TMEM117: variants seen among roughly 807,000 people sequenced by gnomAD.
TMEM117 encodes the protein transmembrane protein 117.
Under a neutral mutation model 52.4 loss-of-function variants are expected in TMEM117, and 27 were observed. The observed-to-expected ratio is 0.51, with a 90% CI of 0.38 to 0.71. TMEM117 has a LOEUF of 0.71. TMEM117 is among the 30% of genes least tolerant of loss of function. The pLI is 0.00. For synonymous variants in TMEM117, 215 were observed against 206.3 expected (o/e 1.04, Z -0.36); for missense variants, 556 against 630.5 (o/e 0.88, Z 1.26).
At chr12:44,140,163 C>T (rs1198797514) in intron 3 of TMEM117, among the ~76,000 whole-genome samples, 6 of 152,114 alleles carry the variant, frequency 3.9e-5, no homozygotes, top group African/African-American at 1.4e-4. Flanking sequence ...GGCAAGGATA[C>T]TTTATTTTGT....
chr12:44,288,271 T>C (rs1363058786), intron 5 of TMEM117, among the ~76,000 whole-genome samples: 2 of 152,192 alleles, frequency 1.3e-5, no homozygotes, highest in Non-Finnish European at 2.9e-5. Context: ...TCCATTCTCT[T>C]GAGATTTTAT....
chr12:44,038,722 A>T (rs1946751306), intron 3 of TMEM117, among the ~76,000 whole-genome samples: 1 of 152,186 alleles, frequency 6.6e-6, no homozygotes, highest in Non-Finnish European at 1.5e-5. Context: ...TGTAGAAAAC[A>T]TATTTATATC....
chr12:44,254,986 A>C (rs901844957), intron 5 of TMEM117, among the ~76,000 whole-genome samples: 1 of 152,088 alleles, frequency 6.6e-6, no homozygotes, highest in Non-Finnish European at 1.5e-5. Flanking sequence ...AAGGACATGA[A>C]CTGTTCATAT....
chr12:44,083,438 C>A (rs1947517004), intron 3 of TMEM117, among the ~76,000 whole-genome samples: 1 of 144,220 alleles, frequency 6.9e-6, no homozygotes, highest in African/African-American at 2.6e-5. Context: ...ACTCTGTTGC[C>A]CAGGCTGGAC....
chr12:44,203,868 G>A (rs1483489510), intron 4 of TMEM117, among the ~76,000 whole-genome samples: 3 of 152,118 alleles, frequency 2.0e-5, no homozygotes, highest in Non-Finnish European at 4.4e-5. Context: ...TTATGGCCAA[G>A]CATATGGTTG....
rs144332212 is a variant in TMEM117 at position 44,218,347 on chromosome 12, A to T, written c.608+6960A>T. ...TGATTCAACATCTGTAAATCAATCA[A>T]TGTAATTATACCACATTAGAGTAAC... On this transcript the variant is annotated intron_variant, in intron 5 of 7. Transcript: ENST00000266534. 2.4e-3 allele frequency among the ~76,000 whole-genome samples: 359 copies of T among 152,354 alleles called. 5 individuals are homozygous for T. Among genetic ancestry groups the T allele is most frequent in the African/African-American group, 8.3e-3 (344 of 41,588 alleles).
chr12:44,330,774 C>T (rs1361556420), intron 6 of TMEM117, among the ~76,000 whole-genome samples: 1 of 151,990 alleles, frequency 6.6e-6, no homozygotes, highest in African/African-American at 2.4e-5. Flanking sequence ...CCATAGGCAG[C>T]TTGTGCATGG....
At chr12:43,955,758 T>C (rs1449862088) in intron 3 of TMEM117, among the ~76,000 whole-genome samples, 1 of 152,188 alleles carries the variant, frequency 6.6e-6, no homozygotes, top group Non-Finnish European at 1.5e-5. Flanking sequence ...AAACTACCGT[T>C]GACATTCTTC....
chr12:44,036,272 A>G (rs1946708659), intron 3 of TMEM117, among the ~76,000 whole-genome samples: 1 of 152,230 alleles, frequency 6.6e-6, no homozygotes, highest in South Asian at 2.1e-4. Flanking sequence ...TTAAAGAATA[A>G]TAGTGAAAGG....
chr12:44,279,348 G>A (rs1486381803), intron 5 of TMEM117, among the ~76,000 whole-genome samples: 1 of 152,088 alleles, frequency 6.6e-6, no homozygotes, highest in Non-Finnish European at 1.5e-5. Flanking sequence ...TTGGCCAGTT[G>A]CAGCCAAATT....
chr12:44,094,707 G>T (rs1181295008), intron 3 of TMEM117, among the ~76,000 whole-genome samples: 1 of 151,946 alleles, frequency 6.6e-6, no homozygotes, highest in Non-Finnish European at 1.5e-5. Flanking sequence ...TCCACTCTGG[G>T]CATCCAAGTC....
intron 2 of TMEM117, among the ~76,000 whole-genome samples, chr12:43,853,596 A>C (rs1943348771): frequency 6.6e-6 from 1 of 152,216 alleles, no homozygotes; most frequent in Admixed American, 6.5e-5. Context: ...TTTTATTGTA[A>C]GATATAGAAA....
intron 2 of TMEM117, among the ~76,000 whole-genome samples, chr12:43,928,390 G>A (rs1371237245): frequency 1.3e-5 from 2 of 151,702 alleles, no homozygotes; most frequent in Non-Finnish European, 2.9e-5. Flanking sequence ...ATCACCTCTG[G>A]AATTAGGTTC....
At chr12:44,211,269 A>G (rs751716698) in intron 4 of TMEM117, 21 bp from the exon 5 acceptor site, 1 of 1,516,426 alleles carries the variant, frequency 6.6e-7, no homozygotes, top group South Asian at 1.1e-5. Context: ...AGTGCTGAAT[A>G]AGTTCCTTTC....
At chr12:44,141,252 A>C (rs996899721) in intron 3 of TMEM117, among the ~76,000 whole-genome samples, 3 of 152,078 alleles carry the variant, frequency 2.0e-5, no homozygotes, top group African/African-American at 7.2e-5. Flanking sequence ...AAAACTTTTA[A>C]GTTCAGGAGT....
intron 3 of TMEM117, among the ~76,000 whole-genome samples, chr12:44,133,740 C>G (rs567615030): frequency 6.6e-6 from 1 of 152,160 alleles, no homozygotes; most frequent in South Asian, 2.1e-4. Context: ...CTTTAGAGCT[C>G]TTCGTGGAAG....
chr12:44,110,347 A>C (rs1163217419), intron 3 of TMEM117, among the ~76,000 whole-genome samples: 1 of 127,704 alleles, frequency 7.8e-6, no homozygotes, highest in Non-Finnish European at 1.6e-5. Flanking sequence ...TGGGTTTGTC[A>C]TAGATAGCTC....
At chr12:43,842,542 C>T (rs1480103714) in intron 1 of TMEM117, among the ~76,000 whole-genome samples, 1 of 152,084 alleles carries the variant, frequency 6.6e-6, no homozygotes, top group Admixed American at 6.6e-5. Flanking sequence ...AATTGGCATT[C>T]GTCAGCCCAG....
intron 4 of TMEM117, among the ~76,000 whole-genome samples, chr12:44,191,425 A>G (rs894566759): frequency 1.5e-4 from 23 of 152,096 alleles, no homozygotes; most frequent in Non-Finnish European, 3.1e-4. Context: ...TATAAACTAT[A>G]TACATATAGC....
Sources: allele counts gnomAD v4.1 joint callset (sites outside exome capture counted in the v4.1 genomes callset), GRCh38; gene constraint gnomAD v4.1.1; transcripts MANE v1.5; gene names NCBI Gene and HGNC (gene_info 2026-07-23, HGNC 2026-07-21).